Variants in OR6C2 observed in about 807,000 individuals in gnomAD.
OR6C2 encodes the protein olfactory receptor 6C2.
For synonymous variants in OR6C2, 146 were observed against 134.2 expected, an observed-to-expected ratio of 1.09 and a Z score of -0.61; for missense variants, 435 against 365.8, an observed-to-expected ratio of 1.19 and a Z score of -1.54.
chr12:55,453,238 A>G lies in OR6C2; in HGVS notation c.*86A>G, dbSNP rs750333348. On this transcript the variant is annotated 3_prime_UTR_variant, in exon 2 of 2. Coordinates refer to ENST00000641202, the MANE Select transcript of OR6C2 (RefSeq NM_054105.2). ...TTTTAACTTATTTCATTGCTTCCTG[A>G]CTACAGTTTAGTCATGTGAACCTTC... 1.1e-3 allele frequency: 976 copies of G among 910,618 alleles called. 6 individuals are homozygous for G. The highest frequency in any genetic ancestry group is 3.7e-4 in the Non-Finnish European group (224 of 598,000). The allele number at this position is 910,618 out of a possible 1,614,324, so 56.4% of individuals were successfully genotyped here.
chr12:55,448,643 C>CAAAAAAAAAAAAAAAAAAAAAA (rs59178718), intron 1 of OR6C2, among the ~76,000 whole-genome samples: 192 of 71,618 alleles, frequency 2.7e-3, no homozygotes, highest in Middle Eastern at 0.02. Context: ...CCATTCACTG[C>CAAAAAAAAAAAAAAAAAAAAAA]AAAAAAAAAA....
At chr12:55,446,487 A>G (rs1871364411) in intron 1 of OR6C2, among the ~76,000 whole-genome samples, 1 of 152,308 alleles carries the variant, frequency 6.6e-6, no homozygotes, top group Admixed American at 6.5e-5. Flanking sequence ...CGCCTTGTGC[A>G]TGGCTTGCAT....
intron 1 of OR6C2, among the ~76,000 whole-genome samples, chr12:55,444,512 C>T (rs1871330072): frequency 6.6e-6 from 1 of 152,058 alleles, no homozygotes; most frequent in African/African-American, 2.4e-5. Context: ...TAAATATTCT[C>T]TTATGGTTAA....
chr12:55,446,377 G>C (rs568830116), intron 1 of OR6C2, among the ~76,000 whole-genome samples: 2 of 151,416 alleles, frequency 1.3e-5, no homozygotes, highest in Non-Finnish European at 2.9e-5. Flanking sequence ...TTGAATGCCC[G>C]CCTTGGCCTC....
intron 1 of OR6C2, 61 bp downstream of exon 1, chr12:55,444,220 C>T (rs1188252714): frequency 6.6e-6 from 1 of 152,096 alleles, no homozygotes; most frequent in African/African-American, 2.4e-5. Flanking sequence ...TGTTGGAGTA[C>T]TCTTCTGTAA....
rs147632208 is a variant in OR6C2, at chr12:55,452,570, C to T, written c.357C>T (p.Asp119=). Residue 119 remains aspartate (D), a synonymous_variant, in exon 2 of 2, where the codon GAC becomes GAT. Coordinates refer to ENST00000641202, the MANE Select transcript of OR6C2 (RefSeq NM_054105.2). ...EFFLLAAMSY[D]RYVAICKPLH... The stretch of plus-strand genomic sequence containing the variant: ...TTCTCTTGGCAGCCATGTCCTATGA[C>T]CGCTATGTGGCCATCTGTAAACCCC... The T allele has an allele frequency of 6.2e-7, 1 of 1,613,758 alleles. No homozygotes were observed. The highest frequency in any genetic ancestry group is 1.3e-5 in the African/African-American group (1 of 74,902).
chr12:55,450,945 T>TG (rs1034242800), intron 1 of OR6C2, among the ~76,000 whole-genome samples: 1 of 151,712 alleles, frequency 6.6e-6, no homozygotes, highest in African/African-American at 2.4e-5. Flanking sequence ...CTTCAGGGGG[T>TG]GGAGGTGAAA....
intron 1 of OR6C2, among the ~76,000 whole-genome samples, chr12:55,447,542 G>A (rs1450784904): frequency 6.6e-6 from 1 of 151,990 alleles, no homozygotes; most frequent in Non-Finnish European, 1.5e-5. Flanking sequence ...CCGCTTCTGT[G>A]AATTTGACTA....
chr12:55,444,313 C>T (rs1871327396), intron 1 of OR6C2, among the ~76,000 whole-genome samples, 154 bp downstream of exon 1: 1 of 152,110 alleles, frequency 6.6e-6, no homozygotes, highest in Non-Finnish European at 1.5e-5. Context: ...AGATCTTTGA[C>T]AAGACTAAAC....
intron 1 of OR6C2, among the ~76,000 whole-genome samples, chr12:55,445,769 G>A (rs7957342): frequency 0.81 from 123,274 of 152,166 alleles, 50,566 homozygotes; most frequent in African/African-American, 0.94. Flanking sequence ...ATTGCTGATG[G>A]CATAAGGGAC....
Position 55,453,281 on chromosome 12 carries a change from T to A in OR6C2, c.*129T>A, listed in dbSNP as rs1871529653. 1 of 642,172 alleles carries A rather than the reference T, an allele frequency of 1.6e-6. No individual in the cohort carries two copies. 39.8% of individuals were successfully genotyped at this position (642,172 alleles called of 1,614,324 possible). On this transcript the variant is annotated 3_prime_UTR_variant, in exon 2 of 2. Coordinates refer to ENST00000641202, the MANE Select transcript of OR6C2 (RefSeq NM_054105.2). ...GAACCTTCTCAATGACATTTAATATTGCATCCTAATCCCATCTTTATCAAA... is the reference window on the plus strand; with the variant it reads ...GAACCTTCTCAATGACATTTAATATAGCATCCTAATCCCATCTTTATCAAA...
At chr12:55,447,128 G>T (rs1468380117) in intron 1 of OR6C2, among the ~76,000 whole-genome samples, 2 of 152,070 alleles carry the variant, frequency 1.3e-5, no homozygotes, top group African/African-American at 4.8e-5. Flanking sequence ...CAGAAGTTAC[G>T]ATTCATTTAG....
rs753480586 is a variant in OR6C2 at position 55,452,928 on chromosome 12, T to C, written c.715T>C (p.Cys239Arg). The C allele has an allele frequency of 1.9e-6, 3 of 1,613,660 alleles. No homozygotes were observed. Among genetic ancestry groups the C allele is most frequent in the African/African-American group, 2.7e-5 (2 of 74,896 alleles). ...VQQRKKAFSTCSSHMIVVSIA... is the reference protein window; with the variant it reads ...VQQRKKAFSTRSSHMIVVSIA... ...GCAAAGGAAAAAGGCCTTTTCTACC[T>C]GTTCATCCCACATGATTGTGGTTTC... The change falls in exon 2 of 2, where the codon TGT (cysteine) becomes CGT (arginine). Residue 239 changes from cysteine to arginine, a missense_variant. Physicochemically the swap from Cys to Arg is radical, Grantham distance 180 (BLOSUM62 -3). Transcript: ENST00000641202.
At chr12:55,448,217 G>A (rs1747275617) in intron 1 of OR6C2, among the ~76,000 whole-genome samples, 1 of 151,360 alleles carries the variant, frequency 6.6e-6, no homozygotes, top group African/African-American at 2.4e-5. Context: ...TTGAATTGTA[G>A]GAATTTTTTA....
In OR6C2 at chr12:55,452,659, C is replaced by A; in HGVS notation, c.446C>A (p.Ala149Asp). 2 of 1,613,786 alleles carry A rather than the reference C, an allele frequency of 1.2e-6. No homozygotes were observed. Among genetic ancestry groups the A allele is most frequent in the Non-Finnish European group, 1.7e-6 (2 of 1,179,826 alleles). ...TTATTAGTTCTCTGCTGTTGGGTGG[C>A]TGGCTTGATGATCATTGTTCCACCA... ...CTLLVLCCWV[A>D]GLMIIVPPLS... is the part of the protein sequence containing the mutation. The change falls in exon 2 of 2, where the codon GCT becomes GAT. Residue 149 changes from alanine (A) to aspartate (D), a missense_variant. By Grantham distance (126) the Ala-to-Asp change is moderately radical. Transcript: ENST00000641202.
Position 55,452,276 on chromosome 12 carries a change from G to A in OR6C2, c.63G>A (p.Leu21=). The part of the protein sequence containing the change: ...ILLGLTGDPH[L]QVLLFIFLFL... ...TGGGACTGACAGGTGACCCACACCT[G>A]CAAGTTCTGCTTTTTATCTTTCTAT... Residue 21 remains leucine (L), a synonymous_variant, in exon 2 of 2, where the codon CTG becomes CTA. Transcript: ENST00000641202. 1.9e-6 allele frequency: 3 copies of A among 1,612,672 alleles called. No individual in the cohort carries two copies. The highest frequency in any genetic ancestry group is 1.1e-5 in the South Asian group (1 of 90,840).
chr12:55,452,585 C>T lies in OR6C2; in HGVS notation c.372C>T (p.Ile124=). The T allele has an allele frequency of 6.2e-7, 1 of 1,613,894 alleles. No homozygotes were observed. The highest frequency in any genetic ancestry group is 8.5e-7 in the Non-Finnish European group (1 of 1,179,862). The change falls in exon 2 of 2, where the codon ATC becomes ATT. Residue 124 remains isoleucine, a synonymous_variant. Transcript: ENST00000641202. ...TGTCCTATGACCGCTATGTGGCCAT[C>T]TGTAAACCCCTTCATTATGTGGTCA... is the stretch of plus-strand genomic sequence containing the variant. ...AAMSYDRYVA[I]CKPLHYVVIM...
chr12:55,452,404 T>A lies in OR6C2; in HGVS notation c.191T>A (p.Phe64Tyr), dbSNP rs925417972. The A allele has an allele frequency of 1.4e-5, 23 of 1,613,618 alleles. No individual in the cohort carries two copies. Among genetic ancestry groups the A allele is most frequent in the East Asian group, 4.5e-5 (2 of 44,878 alleles). Reference protein sequence around the residue: ...KTPMYFFLRNFSFLEVSFTTV... With the variant: ...KTPMYFFLRNYSFLEVSFTTV... ...CCTATGTACTTCTTTCTCAGAAATT[T>A]TTCCTTCTTAGAAGTCTCATTTACT... The change falls in exon 2 of 2, where the codon TTT becomes TAT. Residue 64 changes from phenylalanine (F) to tyrosine (Y), a missense_variant. By Grantham distance (22) the Phe-to-Tyr change is conservative. Transcript: ENST00000641202.
Position 55,451,983 on chromosome 12 carries a change from T to C in OR6C2, c.-231T>C. ...AGGAATGATCAAAGAAAAAGTTGGA[T>C]TGTTTTACAAAACTTGATTTCTTAA... On this transcript the variant is annotated 5_prime_UTR_variant, in exon 2 of 2. Transcript: ENST00000641202. 2.6e-6 allele frequency: 1 copy of C among 391,930 alleles called. No homozygotes were observed. The highest frequency in any genetic ancestry group is 2.1e-5 in the African/African-American group (1 of 48,420). The allele number at this position is 391,930 out of a possible 1,614,324, so 24.3% of individuals were successfully genotyped here.
Sources: allele counts gnomAD v4.1 joint callset (sites outside exome capture counted in the v4.1 genomes callset), GRCh38; gene constraint gnomAD v4.1.1; transcripts MANE v1.5; gene names NCBI Gene and HGNC (gene_info 2026-07-23, HGNC 2026-07-21).